DGKK: variants seen among roughly 807,000 people sequenced by gnomAD.
DGKK encodes diacylglycerol kinase kappa.
A neutral mutation model predicts 92.2 loss-of-function variants in DGKK; 35 were observed. The observed-to-expected ratio is 0.38, with a 90% CI of 0.29 to 0.50. DGKK has a LOEUF of 0.50. DGKK is among the 20% of genes least tolerant of loss of function. The probability of loss-of-function intolerance (pLI) is 0.92; values close to 1 mark genes in which losing one functional copy is unlikely to be tolerated. For missense variants in DGKK, 910 were observed against 992.2 expected (o/e 0.92, Z 1.11); for synonymous variants, 368 against 360.6 (o/e 1.02, Z -0.23).
In DGKK at chrX:50,367,368, T is replaced by C. The variant is rs1170550630; in HGVS notation, c.*1572A>G. 6 of 111,692 alleles carry C rather than the reference T, an allele frequency of 5.4e-5. No individual in the cohort carries two copies. Among genetic ancestry groups the C allele is most frequent in the African/African-American group, 2.0e-4 (6 of 30,694 alleles). The allele number at this position is 111,692 out of a possible 1,213,427, so 9.2% of individuals were successfully genotyped here. On this transcript the variant is annotated 3_prime_UTR_variant, in exon 28 of 28. Coordinates refer to ENST00000611977, the MANE Select transcript of DGKK (RefSeq NM_001013742.4). The stretch of plus-strand genomic sequence containing the variant: ...TTGCCCTGACTGGGAGAAGGCATTT[T>C]TGAAAAATGTGAATTAGTATTTGGA...
At chrX:50,446,252 C>T (rs1926304353) in intron 1 of DGKK, among the ~76,000 whole-genome samples, 1 of 111,271 alleles carries the variant, frequency 9.0e-6, no homozygotes, top group Non-Finnish European at 1.9e-5. Context: ...TTCCTCTCTT[C>T]CTATTTGGAT....
In DGKK at chrX:50,366,884, A is replaced by G. The variant is rs1487110561; in HGVS notation, c.*2056T>C. On this transcript the variant is annotated 3_prime_UTR_variant, in exon 28 of 28. Transcript: ENST00000611977. Reference sequence around the variant, plus strand: ...AAAGTCAAAGACACAACAACAGCACACTCACTACTCAAATATGTACAACAA... The same window carrying G: ...AAAGTCAAAGACACAACAACAGCACGCTCACTACTCAAATATGTACAACAA... 8.9e-6 allele frequency: 1 copy of G among 112,389 alleles called. No individual in the cohort carries two copies. Among genetic ancestry groups the G allele is most frequent in the Non-Finnish European group, 1.9e-5 (1 of 53,305 alleles). 9.3% of individuals were successfully genotyped at this position (112,389 alleles called of 1,213,427 possible).
chrX:50,397,670 T>A (rs1924889228), intron 8 of DGKK, among the ~76,000 whole-genome samples: 1 of 112,184 alleles, frequency 8.9e-6, no homozygotes, highest in Admixed American at 9.4e-5. Context: ...CTTCACTATT[T>A]TTTCTCCATA....
intron 17 of DGKK, among the ~76,000 whole-genome samples, chrX:50,382,897 A>G (rs2147120939): frequency 8.9e-6 from 1 of 111,882 alleles, no homozygotes; most frequent in South Asian, 3.8e-4. Context: ...CTTATGTATG[A>G]GTGGCCCATA....
chrX:50,380,106 G>A (rs925224567), intron 18 of DGKK, 29 bp from the exon 19 acceptor site: 6 of 1,076,494 alleles, frequency 5.6e-6, no homozygotes, highest in Non-Finnish European at 7.8e-6. Flanking sequence ...TAAGAAAGCA[G>A]AGGGTGAATG....
rs1056154172 is a variant in DGKK at position 50,379,564 on chromosome X, C to T, written c.2862+63G>A. 120 of 962,037 alleles carry T rather than the reference C, an allele frequency of 1.2e-4. No individual in the cohort carries two copies. In the East Asian group the frequency reaches 3.1e-3, roughly 25 times the overall value. The allele number at this position is 962,037 out of a possible 1,213,427, so 79.3% of individuals were successfully genotyped here. ...TTTCACTTCAGTTAGCACAATGCTT[C>T]CTTCAGAGAGACCTTAGTGGGATCA... is the stretch of plus-strand genomic sequence containing the variant. On this transcript the variant is annotated intron_variant, in intron 20 of 27. Coordinates refer to ENST00000611977, the MANE Select transcript of DGKK (RefSeq NM_001013742.4).
At chrX:50,442,235 A>C (rs781813030) in intron 1 of DGKK, among the ~76,000 whole-genome samples, 1 of 111,845 alleles carries the variant, frequency 8.9e-6, no homozygotes, top group Admixed American at 9.5e-5. Flanking sequence ...CTATTTTCTG[A>C]ATGGAATATG....
At chrX:50,454,302 A>G (rs1926559741) in intron 1 of DGKK, among the ~76,000 whole-genome samples, 1 of 110,909 alleles carries the variant, frequency 9.0e-6, no homozygotes, top group African/African-American at 3.3e-5. Context: ...TCCTTCCTTC[A>G]GGCAAATTAC....
rs1332284999 is a variant in DGKK at position 50,387,741 on chromosome X, CCTCT to C, written c.2019-92_2019-89del. 3.6e-5 allele frequency: 21 copies of C among 586,666 alleles called. No homozygotes were observed. The South Asian group carries it at 6.0e-4, about 17-fold the overall frequency. The allele number at this position is 586,666 out of a possible 1,213,427, so 48.3% of individuals were successfully genotyped here. On this transcript the variant is annotated intron_variant, in intron 13 of 27. Coordinates refer to ENST00000611977, the MANE Select transcript of DGKK (RefSeq NM_001013742.4). ...TTATGTCATCAGTCCCCATCCTCCT[CCTCT>C]CTCTCTTTCCTGATCTGTCCTCTTT... is the stretch of plus-strand genomic sequence containing the variant.
chrX:50,425,958 C>T (rs1280137769), intron 1 of DGKK, among the ~76,000 whole-genome samples: 1 of 111,149 alleles, frequency 9.0e-6, no homozygotes, highest in African/African-American at 3.3e-5. Flanking sequence ...TTTTTTTATC[C>T]TAACCTTCTC....
In DGKK at chrX:50,391,409, A is replaced by G. The variant is rs782354521; in HGVS notation, c.1844+28T>C. On this transcript the variant is annotated intron_variant, in intron 11 of 27. Coordinates refer to ENST00000611977, the MANE Select transcript of DGKK (RefSeq NM_001013742.4). ...TGAGTGATGTGGGACAGGAAGAGGC[A>G]CAAGGGCCTGGTCTTTCAGCCACTT... is the stretch of plus-strand genomic sequence containing the variant. 5 of 1,205,318 alleles carry G rather than the reference A, an allele frequency of 4.1e-6. No homozygotes were observed. The South Asian group carries it at 8.9e-5, about 21-fold the overall frequency.
At chrX:50,370,613 G>A in intron 26 of DGKK, 64 bp from the exon 27 acceptor site, 2 of 1,112,037 alleles carry the variant, frequency 1.8e-6, no homozygotes, top group Non-Finnish European at 2.4e-6. Flanking sequence ...AATTGCTGGA[G>A]TCCTGGAAAA....
intron 6 of DGKK, 113 bp downstream of exon 6, chrX:50,403,378 G>C (rs1299169078): frequency 5.0e-5 from 43 of 866,160 alleles, no homozygotes; most frequent in Non-Finnish European, 6.8e-5. Flanking sequence ...GTTGGATTGT[G>C]AGCCTAGGAC....
Position 50,367,314 on chromosome X carries a change from C to T in DGKK, c.*1626G>A, listed in dbSNP as rs1330663502. ...AAGATGCAAGGCTGACCAGAGAGAA[C>T]CTCTCTGGGCATTGGGGTTTGATTA... On this transcript the variant is annotated 3_prime_UTR_variant, in exon 28 of 28. Coordinates refer to ENST00000611977, the MANE Select transcript of DGKK (RefSeq NM_001013742.4). 1 of 111,569 alleles carries T rather than the reference C, an allele frequency of 9.0e-6. No individual in the cohort carries two copies. Among genetic ancestry groups the T allele is most frequent in the Non-Finnish European group, 1.9e-5 (1 of 53,119 alleles). 9.2% of individuals were successfully genotyped at this position (111,569 alleles called of 1,213,427 possible).
chrX:50,376,508 A>T (rs1437639758), intron 23 of DGKK, among the ~76,000 whole-genome samples: 1 of 111,694 alleles, frequency 9.0e-6, no homozygotes, highest in East Asian at 2.8e-4. Flanking sequence ...TCTTAGTTCT[A>T]TTGGGTTTGG....
At chrX:50,386,844 T>C (rs1325113040) in intron 14 of DGKK, among the ~76,000 whole-genome samples, 1 of 111,944 alleles carries the variant, frequency 8.9e-6, no homozygotes, top group African/African-American at 3.2e-5. Context: ...CATCAGTGTA[T>C]ATAGCTGAGT....
Position 50,368,176 on chromosome X carries a change from T to C in DGKK, c.*764A>G, listed in dbSNP as rs782467065. 1.8e-5 allele frequency: 2 copies of C among 110,638 alleles called. No homozygotes were observed. Among genetic ancestry groups the C allele is most frequent in the Non-Finnish European group, 3.8e-5 (2 of 52,952 alleles). 9.1% of individuals were successfully genotyped at this position (110,638 alleles called of 1,213,427 possible). On this transcript the variant is annotated 3_prime_UTR_variant, in exon 28 of 28. Transcript: ENST00000611977. The stretch of plus-strand genomic sequence containing the variant: ...AGCAAGAATGCAGGCAAACACTCCG[T>C]GGAGGCATGCAGGCTAGGATCAAGG...
rs1464958560 is a variant in DGKK, at chrX:50,447,383, AAT to A, written c.645+22649_645+22650del. Among the ~76,000 whole-genome samples the A allele has an allele frequency of 2.2e-3, 24 of 10,695 alleles. 1 individual carries two copies. In the East Asian group the frequency reaches 0.025, roughly 11 times the overall value. The allele number at this position is 10,695 out of a possible 115,157, so 9.3% of individuals were successfully genotyped here. The stretch of plus-strand genomic sequence containing the variant: ...ATATATATATATTATATATATATAT[AAT>A]ATATATATATTATATATATATATAA... On this transcript the variant is annotated intron_variant, in intron 1 of 27. Transcript: ENST00000611977.
In DGKK at chrX:50,367,385, G is replaced by GTAT. The variant is rs1175094992; in HGVS notation, c.*1552_*1554dup. On this transcript the variant is annotated 3_prime_UTR_variant, in exon 28 of 28. Transcript: ENST00000611977. Reference sequence around the variant, plus strand: ...AGGCATTTTTGAAAAATGTGAATTAGTATTTGGAGCGATTTAGGAATAGTT... The same window carrying GTAT: ...AGGCATTTTTGAAAAATGTGAATTAGTATTATTTGGAGCGATTTAGGAATAGTT... 1 of 111,699 alleles carries GTAT rather than the reference G, an allele frequency of 9.0e-6. No individual in the cohort carries two copies. The highest frequency in any genetic ancestry group is 1.9e-5 in the Non-Finnish European group (1 of 53,140). The allele number at this position is 111,699 out of a possible 1,213,427, so 9.2% of individuals were successfully genotyped here.
Sources: allele counts gnomAD v4.1 joint callset (sites outside exome capture counted in the v4.1 genomes callset), GRCh38; gene constraint gnomAD v4.1.1; transcripts MANE v1.5; gene names NCBI Gene and HGNC (gene_info 2026-07-23, HGNC 2026-07-21).